The following TCF12 variants were observed in gnomAD, a reference collection of about 807,000 sequenced individuals.
TCF12 encodes the protein transcription factor 12.
Under a neutral mutation model 86.0 loss-of-function variants are expected in TCF12, and 45 were observed. The observed-to-expected ratio is 0.52, with a 90% confidence interval of 0.41 to 0.67. TCF12 has a LOEUF of 0.67. Among genes scored for constraint, TCF12 ranks in the 30% least tolerant of loss-of-function variants. TCF12 has a pLI of 0.00. For missense variants in TCF12, 881 were observed against 859.9 expected (o/e 1.02, Z -0.31); for synonymous variants, 330 against 299.6 (o/e 1.10, Z -1.05).
intron 5 of TCF12, among the ~76,000 whole-genome samples, chr15:57,159,010 G>T (rs1417388830): frequency 1.3e-5 from 2 of 152,140 alleles, no homozygotes; most frequent in Non-Finnish European, 2.9e-5. Context: ...CAAAAAATCT[G>T]GTCAATTAAG....
chr15:57,208,079 G>A (rs1380994198), intron 8 of TCF12, among the ~76,000 whole-genome samples: 2 of 150,662 alleles, frequency 1.3e-5, no homozygotes, highest in Non-Finnish European at 2.9e-5. Flanking sequence ...AGTCGCTCAG[G>A]CTGGAGTACA....
At chr15:57,116,586 A>AT (rs2050854065) in intron 5 of TCF12, among the ~76,000 whole-genome samples, 1 of 152,058 alleles carries the variant, frequency 6.6e-6, no homozygotes, top group Non-Finnish European at 1.5e-5. Context: ...GGCTCAAGTG[A>AT]TCCACCTGCC....
chr15:56,973,172 T>C (rs2062424122), intron 3 of TCF12, among the ~76,000 whole-genome samples: 1 of 152,040 alleles, frequency 6.6e-6, no homozygotes, highest in Non-Finnish European at 1.5e-5. Context: ...CCCTCCCGCC[T>C]CCCTCCCTCC....
chr15:57,232,297 C>T lies in TCF12; in HGVS notation c.692C>T (p.Thr231Ile). The change falls in exon 10 of 21, where the codon ACC (threonine) becomes ATC (isoleucine). Residue 231 changes from threonine (T) to isoleucine (I), a missense_variant. Coordinates refer to ENST00000333725, the MANE Select transcript of TCF12 (RefSeq NM_207037.2). ...FASTFFMQDG[T>I]HNSSDLWSSS... The stretch of plus-strand genomic sequence containing the variant: ...ATTTCTCTTTTTGTCTTAGATGGGA[C>T]CCACAATTCTTCTGACCTTTGGAGT... 6.2e-7 allele frequency: 1 copy of T among 1,613,800 alleles called. No homozygotes were observed. Among genetic ancestry groups the T allele is most frequent in the East Asian group, 2.2e-5 (1 of 44,848 alleles).
At chr15:57,075,079 T>A (rs2069766835) in intron 4 of TCF12, among the ~76,000 whole-genome samples, 1 of 152,256 alleles carries the variant, frequency 6.6e-6, no homozygotes, top group East Asian at 1.9e-4. Context: ...TACATCATAA[T>A]CAGTTTGTTG....
At chr15:57,084,960 A>G (rs1419300580) in intron 4 of TCF12, among the ~76,000 whole-genome samples, 1 of 152,166 alleles carries the variant, frequency 6.6e-6, no homozygotes, top group African/African-American at 2.4e-5. Context: ...TTTTAAGGAC[A>G]GGTAATTTTA....
At chr15:56,988,672 A>G (rs1261869928) in intron 3 of TCF12, among the ~76,000 whole-genome samples, 2 of 152,210 alleles carry the variant, frequency 1.3e-5, no homozygotes, top group East Asian at 3.8e-4. Flanking sequence ...GCTAATGTGA[A>G]TGTAGTAGAC....
At chr15:57,138,051 G>A (rs1185204782) in intron 5 of TCF12, among the ~76,000 whole-genome samples, 1 of 151,638 alleles carries the variant, frequency 6.6e-6, no homozygotes. Flanking sequence ...AAAAAATAAA[G>A]TATTACCACC....
At chr15:57,096,164 T>C (rs1463785335) in intron 5 of TCF12, among the ~76,000 whole-genome samples, 1 of 152,142 alleles carries the variant, frequency 6.6e-6, no homozygotes, top group Non-Finnish European at 1.5e-5. Flanking sequence ...GGAAAAACGG[T>C]TCCACAGTGA....
intron 3 of TCF12, among the ~76,000 whole-genome samples, chr15:56,937,837 T>A (rs2060536480): frequency 6.6e-6 from 1 of 152,176 alleles, no homozygotes; most frequent in South Asian, 2.1e-4. Flanking sequence ...TAGGTCTGTT[T>A]GTGTGGTGTA....
intron 8 of TCF12, among the ~76,000 whole-genome samples, chr15:57,205,329 A>G (rs541267912): frequency 8.9e-4 from 136 of 152,218 alleles, no homozygotes; most frequent in African/African-American, 3.0e-3. Flanking sequence ...AAAACAAACA[A>G]TTATCCAAGG....
intron 3 of TCF12, among the ~76,000 whole-genome samples, chr15:56,971,157 C>T (rs922737053): frequency 3.8e-4 from 58 of 152,180 alleles, no homozygotes; most frequent in African/African-American, 1.4e-3. Context: ...GGAGCCTTGG[C>T]TCACGCCTGT....
At chr15:57,019,476 A>AATTAGTTTTAGGGGGGG (rs2065343928) in intron 3 of TCF12, among the ~76,000 whole-genome samples, 2 of 152,164 alleles carry the variant, frequency 1.3e-5, no homozygotes, top group Non-Finnish European at 2.9e-5. Context: ...CCTCCCTGGG[A>AATTAGTTTTAGGGGGGG]ACTCAGAGGG....
rs763621637 is a variant in TCF12, at chr15:57,166,403, A to G, written c.327A>G (p.Gly109=). 6.2e-7 allele frequency: 1 copy of G among 1,611,078 alleles called. No homozygotes were observed. Among genetic ancestry groups the G allele is most frequent in the Non-Finnish European group, 8.5e-7 (1 of 1,178,736 alleles). ...PTPFMNSNLM[G]KTSERGSFSL... The stretch of plus-strand genomic sequence containing the variant: ...AAAGTTAATTTCTTTGTTTTATAGG[A>G]AAAACATCAGAGAGAGGCTCATTTT... The change falls in exon 6 of 21, where the codon GGA becomes GGG. Residue 109 remains glycine (G), a splice_region_variant and synonymous_variant. Transcript: ENST00000333725.
chr15:57,052,585 C>T (rs890536619), intron 3 of TCF12, among the ~76,000 whole-genome samples: 58 of 149,214 alleles, frequency 3.9e-4, no homozygotes, highest in Admixed American at 3.8e-3. Context: ...TGCAGTGAGC[C>T]GAGATTGCAC....
chr15:57,149,632 T>C (rs952585811), intron 5 of TCF12, among the ~76,000 whole-genome samples: 3 of 152,128 alleles, frequency 2.0e-5, no homozygotes, highest in African/African-American at 4.8e-5. Context: ...TGTCCAAGAG[T>C]TTATCAAACC....
chr15:57,210,315 CTAGA>C (rs2058049711), intron 8 of TCF12, among the ~76,000 whole-genome samples: 1 of 150,910 alleles, frequency 6.6e-6, no homozygotes, highest in African/African-American at 2.4e-5. Flanking sequence ...GAGCTACATA[CTAGA>C]TAATCTAAAT....
At chr15:57,010,771 G>T (rs924265057) in intron 3 of TCF12, among the ~76,000 whole-genome samples, 1 of 152,206 alleles carries the variant, frequency 6.6e-6, no homozygotes. Flanking sequence ...TCTAGAAAAT[G>T]TTTGGAGACT....
At chr15:57,018,972 G>A (rs1207630138) in intron 3 of TCF12, among the ~76,000 whole-genome samples, 4 of 152,132 alleles carry the variant, frequency 2.6e-5, no homozygotes, top group Non-Finnish European at 4.4e-5. Context: ...GACTGACTAA[G>A]GCTTACGAGA....
Sources: gnomAD v4.1 joint callset for allele counts (sites outside exome capture counted in the v4.1 genomes callset) on GRCh38, gnomAD v4.1.1 for gene constraint, MANE v1.5 for transcripts, NCBI Gene and HGNC (gene_info 2026-07-23, HGNC 2026-07-21) for gene names.